Variants in MACROH2A1 observed in about 807,000 individuals in gnomAD.
The protein encoded by MACROH2A1 is macroH2A.1 histone.
Under a neutral mutation model 31.6 loss-of-function variants are expected in MACROH2A1, and 2 were observed. That is an observed-to-expected ratio of 0.06 (90% confidence interval 0.03 to 0.20). MACROH2A1 has a LOEUF of 0.20. MACROH2A1 is among the 10% of genes least tolerant of loss of function. The probability of loss-of-function intolerance (pLI) is 1.00; values close to 1 mark genes in which losing one functional copy is unlikely to be tolerated. For missense variants in MACROH2A1, 230 were observed against 474.0 expected, an observed-to-expected ratio of 0.49 and a Z score of 4.78; for synonymous variants, 169 against 189.6, an observed-to-expected ratio of 0.89 and a Z score of 0.89.
intron 4 of MACROH2A1, among the ~76,000 whole-genome samples, chr5:135,365,802 G>A (rs914884951): frequency 1.2e-4 from 19 of 152,184 alleles, no homozygotes; most frequent in African/African-American, 4.6e-4. Context: ...ACTTGCATGT[G>A]AGGACAGAGA....
At chr5:135,362,145 G>A (rs1352617140) in intron 4 of MACROH2A1, 1 of 152,206 alleles carries the variant, frequency 6.6e-6, no homozygotes, top group Non-Finnish European at 1.5e-5. Context: ...TCACAAGTCA[G>A]GTGTTTTTAA....
chr5:135,346,459 G>A, intron 6 of MACROH2A1: 1 of 206,538 alleles, frequency 4.8e-6, no homozygotes, highest in South Asian at 8.8e-5. Context: ...TGTCTCTGGG[G>A]AGAACCCCCA....
At chr5:135,380,201 T>C (rs1450642529) in intron 2 of MACROH2A1, among the ~76,000 whole-genome samples, 1 of 152,098 alleles carries the variant, frequency 6.6e-6, no homozygotes, top group African/African-American at 2.4e-5. Context: ...CTGCGGAATA[T>C]CTGGCCTTGT....
rs1423629297 is a variant in MACROH2A1, at chr5:135,399,229, T to C, written c.-201A>G. The C allele has an allele frequency of 6.6e-6, 1 of 151,734 alleles. No homozygotes were observed. Among genetic ancestry groups the C allele is most frequent in the Non-Finnish European group, 1.5e-5 (1 of 67,940 alleles). The allele number at this position is 151,734 out of a possible 1,614,324, so 9.4% of individuals were successfully genotyped here. A position where few individuals can be genotyped will look rare whatever the true frequency, so the allele number is the denominator to read the frequency against. ...CGCCCGGCGCCGCTGCCGAGTGAAC[T>C]GGAACCAGTCCTCGCGGCCGGCTTC... On this transcript the variant is annotated 5_prime_UTR_variant, in exon 1 of 9. Coordinates refer to ENST00000511689, the MANE Select transcript of MACROH2A1 (RefSeq NM_138610.3). This position sits in a 1 kb window ranked among gnomAD's most constrained non-coding sequence, Gnocchi z 4.5.
intron 6 of MACROH2A1, among the ~76,000 whole-genome samples, chr5:135,352,172 AT>A (rs1188084756): frequency 6.6e-6 from 1 of 152,220 alleles, no homozygotes; most frequent in Non-Finnish European, 1.5e-5. Context: ...CTGTGTGCCT[AT>A]TTCCCCTGGC....
At chr5:135,387,202 G>C (rs114996919) in intron 2 of MACROH2A1, among the ~76,000 whole-genome samples, 2 of 149,256 alleles carry the variant, frequency 1.3e-5, no homozygotes, top group African/African-American at 5.0e-5. Flanking sequence ...TGTCACCTAA[G>C]TTCTGGGCTT....
At chr5:135,379,693 G>A (rs1765390897) in intron 2 of MACROH2A1, among the ~76,000 whole-genome samples, 1 of 152,128 alleles carries the variant, frequency 6.6e-6, no homozygotes, top group African/African-American at 2.4e-5. Flanking sequence ...GGAAGACAGT[G>A]GGAGAAAAGA....
In MACROH2A1 at chr5:135,369,352, G is replaced by T; in HGVS notation, c.477+54C>A. ...ATGAGGGGGGTGCCCTGGTAACCCT[G>T]TTTATCCGTACCCCATCCTATCCCA... On this transcript the variant is annotated intron_variant, in intron 4 of 8. Transcript: ENST00000511689. This position sits in a 1 kb window ranked among gnomAD's most constrained non-coding sequence, Gnocchi z 4.3. 1.4e-6 allele frequency: 2 copies of T among 1,452,404 alleles called. No homozygotes were observed. Among genetic ancestry groups the T allele is most frequent in the African/African-American group, 1.4e-5 (1 of 71,622 alleles). 90.0% of individuals were successfully genotyped at this position (1,452,404 alleles called of 1,614,324 possible). A position where few individuals can be genotyped will look rare whatever the true frequency, so the allele number is the denominator to read the frequency against.
chr5:135,335,344 A>G (rs1361677114), intron 8 of MACROH2A1, among the ~76,000 whole-genome samples: 1 of 152,242 alleles, frequency 6.6e-6, no homozygotes, highest in African/African-American at 2.4e-5. Flanking sequence ...CTGGGCAGAG[A>G]GCTGGCACCT....
intron 6 of MACROH2A1, among the ~76,000 whole-genome samples, chr5:135,350,321 T>C (rs1423293023): frequency 2.0e-5 from 3 of 152,014 alleles, no homozygotes; most frequent in Non-Finnish European, 4.4e-5. Flanking sequence ...TTGGAAAGGG[T>C]CCTCCTTGTG....
At chr5:135,377,220 C>T (rs1156318183) in intron 2 of MACROH2A1, among the ~76,000 whole-genome samples, 1 of 152,136 alleles carries the variant, frequency 6.6e-6, no homozygotes, top group Non-Finnish European at 1.5e-5. Context: ...CCTGGGGAGG[C>T]CCTGAGAAAC....
intron 5 of MACROH2A1, chr5:135,357,690 G>A (rs1187658403): frequency 2.0e-6 from 2 of 976,642 alleles, no homozygotes; most frequent in Admixed American, 6.2e-5. Flanking sequence ...TGCAAATCTT[G>A]GCTGAACACA....
rs546109808 is a variant in MACROH2A1, at chr5:135,334,510, A to G, written c.*466T>C. On this transcript the variant is annotated 3_prime_UTR_variant, in exon 9 of 9. Coordinates refer to ENST00000511689, the MANE Select transcript of MACROH2A1 (RefSeq NM_138610.3). Reference sequence around the variant, plus strand: ...TCCATCAATAAGACAAAAAGTAACCAAAAATTAGGTCTGTTGCAAATTCAT... The same window carrying G: ...TCCATCAATAAGACAAAAAGTAACCGAAAATTAGGTCTGTTGCAAATTCAT... 5.9e-6 allele frequency: 1 copy of G among 170,734 alleles called. No homozygotes were observed. The highest frequency in any genetic ancestry group is 1.3e-4 in the South Asian group (1 of 7,636). 10.6% of individuals were successfully genotyped at this position (170,734 alleles called of 1,614,324 possible). A position where few individuals can be genotyped will look rare whatever the true frequency, so the allele number is the denominator to read the frequency against.
intron 4 of MACROH2A1, among the ~76,000 whole-genome samples, chr5:135,367,945 C>T (rs6871645): frequency 0.024 from 3,686 of 152,284 alleles, 174 homozygotes; most frequent in African/African-American, 0.084. Context: ...CTATAGTTAG[C>T]AGGAATGAGC....
At chr5:135,394,515 A>G (rs1246750942) in intron 1 of MACROH2A1, among the ~76,000 whole-genome samples, 2 of 152,202 alleles carry the variant, frequency 1.3e-5, no homozygotes, top group Non-Finnish European at 2.9e-5. Context: ...TGGATGTGGC[A>G]GCTGCAGACC....
At chr5:135,361,634 C>T (rs1762857938) in intron 4 of MACROH2A1, 2 of 152,286 alleles carry the variant, frequency 1.3e-5, no homozygotes, top group Non-Finnish European at 2.9e-5. Context: ...GAGGGAGGGT[C>T]TAGTGGGAGA....
intron 2 of MACROH2A1, among the ~76,000 whole-genome samples, chr5:135,376,333 C>T (rs1764861128): frequency 6.6e-6 from 1 of 152,158 alleles, no homozygotes; most frequent in African/African-American, 2.4e-5. Flanking sequence ...GATGGAAATG[C>T]AGCTTAATTT....
In MACROH2A1 at chr5:135,369,428, T is replaced by C; in HGVS notation, c.455A>G (p.Lys152Arg). 6.2e-7 allele frequency: 1 copy of C among 1,614,202 alleles called. No homozygotes were observed. Among genetic ancestry groups the C allele is most frequent in the African/African-American group, 1.3e-5 (1 of 75,064 alleles). The change falls in exon 4 of 9, where the codon AAG becomes AGG. Residue 152 changes from lysine (K) to arginine (R), a missense_variant. Lys to Arg is a conservative substitution (Grantham distance 26). Around this residue, in one of 2 missense-constraint regions of MACROH2A1, gnomAD observed 183 missense variants for 319.3 expected, o/e 0.57. Coordinates refer to ENST00000511689, the MANE Select transcript of MACROH2A1 (RefSeq NM_138610.3). The surrounding 1 kb of genome is among the most constrained non-coding windows in gnomAD (Gnocchi z 4.3). ...TACCTTGGATTTCCGGGCCCCTTTC[T>C]TGCCTCCTGCTTTTTTAGATACAGG... The part of the protein sequence containing the change: ...KKPVSKKAGG[K>R]KGARKSKKKQ...
chr5:135,348,139 C>T (rs1372792218), intron 6 of MACROH2A1, among the ~76,000 whole-genome samples: 1 of 152,192 alleles, frequency 6.6e-6, no homozygotes, highest in African/African-American at 2.4e-5. Context: ...AGGCAATCAA[C>T]CCAGTCAGGA....
Sources: allele counts gnomAD v4.1 joint callset (sites outside exome capture counted in the v4.1 genomes callset), GRCh38; gene constraint gnomAD v4.1.1; regional missense constraint gnomAD v4.1.1; non-coding constraint Gnocchi (gnomAD v3.1); transcripts MANE v1.5; gene names NCBI Gene and HGNC (gene_info 2026-07-23, HGNC 2026-07-21).